The following DNM2 variants were observed in gnomAD, a reference collection of about 807,000 sequenced individuals.
The protein encoded by DNM2 is dynamin-2.
DNM2 carries 15 observed loss-of-function variants against 99.0 expected under a neutral mutation model. The observed-to-expected ratio is 0.15, with a 90% CI of 0.10 to 0.23. The LOEUF (loss-of-function observed/expected upper bound fraction) is 0.23, where lower values mean the gene tolerates loss of function less well. Ranked by LOEUF, DNM2 falls within the 10% of genes least tolerant of loss-of-function variation. DNM2 has a pLI of 1.00. For synonymous variants in DNM2, 525 were observed against 481.2 expected (o/e 1.09, Z -1.19); for missense variants, 742 against 1,189.4 (o/e 0.62, Z 5.53).
intron 2 of DNM2, among the ~76,000 whole-genome samples, chr19:10,770,568 G>A (rs899237709): frequency 3.3e-5 from 5 of 152,128 alleles, no homozygotes; most frequent in African/African-American, 9.7e-5. Flanking sequence ...TGATAAAGAC[G>A]TATTTGAGAC....
intron 18 of DNM2, among the ~76,000 whole-genome samples, chr19:10,826,427 C>T (rs771164678): frequency 2.0e-5 from 3 of 152,216 alleles, no homozygotes; most frequent in Non-Finnish European, 4.4e-5. Flanking sequence ...TCCTCATGGG[C>T]GTCACCCGCC....
chr19:10,732,467 G>T (rs972561024), intron 1 of DNM2, among the ~76,000 whole-genome samples: 15 of 151,690 alleles, frequency 9.9e-5, no homozygotes, highest in Admixed American at 3.3e-4. Flanking sequence ...GGGCGTGGTG[G>T]CGAGCGCCTG....
intron 16 of DNM2, among the ~76,000 whole-genome samples, chr19:10,822,765 T>C (rs12976663): frequency 6.6e-6 from 1 of 151,830 alleles, no homozygotes; most frequent in African/African-American, 2.4e-5. Flanking sequence ...TCCCAAAGTG[T>C]TGGGATTACA....
rs950639317 is a variant in DNM2, at chr19:10,812,006, G to A, written c.1558-258G>A. ...CCTCCCATGGGCCCCTTTCCATCAG[G>A]CCTCTGTGAGTCTATACCCCATCAG... On this transcript the variant is annotated intron_variant, in intron 14 of 20. Coordinates refer to ENST00000389253, the MANE Select transcript of DNM2 (RefSeq NM_001005361.3). This position sits in a 1 kb window ranked among gnomAD's most constrained non-coding sequence, Gnocchi z 4.0. The A allele has an allele frequency of 1.0e-5, 5 of 495,994 alleles. No homozygotes were observed. The highest frequency in any genetic ancestry group is 1.9e-5 in the African/African-American group (1 of 51,420). 30.7% of individuals were successfully genotyped at this position (495,994 alleles called of 1,614,324 possible).
intron 1 of DNM2, among the ~76,000 whole-genome samples, chr19:10,746,039 A>C (rs1163741757): frequency 1.3e-5 from 2 of 152,134 alleles, no homozygotes; most frequent in African/African-American, 4.8e-5. Flanking sequence ...GCTCACTGCA[A>C]CCTCTGCCTC....
In DNM2 at chr19:10,831,151, A is replaced by G. The variant is rs897439830; in HGVS notation, c.*104A>G. On this transcript the variant is annotated 3_prime_UTR_variant, in exon 21 of 21. Coordinates refer to ENST00000389253, the MANE Select transcript of DNM2 (RefSeq NM_001005361.3). The surrounding 1 kb of genome is among the most constrained non-coding windows in gnomAD (Gnocchi z 4.3). ...GCCCCTATGCTGGGACCAGGCTCCC[A>G]GTGGGCAGCCCTGGCCTCTTCCTTA... The G allele has an allele frequency of 6.8e-7, 1 of 1,467,618 alleles. No individual in the cohort carries two copies. The highest frequency in any genetic ancestry group is 9.0e-7 in the Non-Finnish European group (1 of 1,110,948). 90.9% of individuals were successfully genotyped at this position (1,467,618 alleles called of 1,614,324 possible). A position where few individuals can be genotyped will look rare whatever the true frequency, so the allele number is the denominator to read the frequency against.
chr19:10,742,268 C>G (rs1220908479), intron 1 of DNM2, among the ~76,000 whole-genome samples: 2 of 152,140 alleles, frequency 1.3e-5, no homozygotes, highest in East Asian at 3.9e-4. Context: ...AGTGATGTTG[C>G]CAGGCCCACC....
At chr19:10,770,788 T>G (rs1259874546) in intron 2 of DNM2, among the ~76,000 whole-genome samples, 1 of 152,102 alleles carries the variant, frequency 6.6e-6, no homozygotes, top group South Asian at 2.1e-4. Context: ...ATCACGAGAA[T>G]AGCACGGGAA....
rs2072805381 is a variant in DNM2 at position 10,817,765 on chromosome 19, G to C, written c.1672-2215G>C. On this transcript the variant is annotated intron_variant, in intron 15 of 20. Transcript: ENST00000389253. This position sits in a 1 kb window ranked among gnomAD's most constrained non-coding sequence, Gnocchi z 4.6. ...GCTCAGGAGGAATGTCTGACTCTTTGGGGGTCGGGGGTGGGGAGGAGGGGC... is the reference window on the plus strand; with the variant it reads ...GCTCAGGAGGAATGTCTGACTCTTTCGGGGTCGGGGGTGGGGAGGAGGGGC... Among the ~76,000 whole-genome samples, 1 of 130,366 alleles carries C rather than the reference G, an allele frequency of 7.7e-6. No individual in the cohort carries two copies. The highest frequency in any genetic ancestry group is 7.5e-5 in the Admixed American group (1 of 13,328). 85.5% of individuals were successfully genotyped at this position (130,366 alleles called of 152,430 possible). A position where few individuals can be genotyped will look rare whatever the true frequency, so the allele number is the denominator to read the frequency against.
At chr19:10,730,677 A>C (rs376947070) in intron 1 of DNM2, among the ~76,000 whole-genome samples, 42 of 151,962 alleles carry the variant, frequency 2.8e-4, no homozygotes, top group African/African-American at 9.7e-4. Flanking sequence ...TAATAACAGT[A>C]ATAGGCTGAG....
chr19:10,819,429 T>C (rs754772643), intron 15 of DNM2, among the ~76,000 whole-genome samples: 7 of 152,084 alleles, frequency 4.6e-5, no homozygotes, highest in Non-Finnish European at 8.8e-5. Context: ...ACTCCTAGGC[T>C]CGTTTCAAAG....
At chr19:10,771,788 C>T (rs995670275) in intron 2 of DNM2, among the ~76,000 whole-genome samples, 5 of 152,238 alleles carry the variant, frequency 3.3e-5, no homozygotes, top group African/African-American at 7.2e-5. Context: ...AATGGCTGGG[C>T]GTGGAGGCAT....
At chr19:10,728,136 C>A (rs552658516) in intron 1 of DNM2, among the ~76,000 whole-genome samples, 6 of 152,136 alleles carry the variant, frequency 3.9e-5, no homozygotes, top group African/African-American at 1.4e-4. Flanking sequence ...TAGCTTGAAC[C>A]GGGAGCTGGA....
At position 10,718,234 on chromosome 19, in the gene DNM2, G is replaced by T. The variant is rs1331856859; in HGVS notation, c.-9G>T. The T allele has an allele frequency of 6.8e-7, 1 of 1,466,746 alleles. No individual in the cohort carries two copies. Among genetic ancestry groups the T allele is most frequent in the Non-Finnish European group, 9.0e-7 (1 of 1,106,410 alleles). 90.9% of individuals were successfully genotyped at this position (1,466,746 alleles called of 1,614,324 possible). ...GCGCAGGGCGCTCGGGCCGGGGGCC[G>T]CCGGCGCCATGGGCAACCGCGGGAT... On this transcript the variant is annotated 5_prime_UTR_variant, in exon 1 of 21. Transcript: ENST00000389253.
At chr19:10,738,587 TGTG>T (rs1467453128) in intron 1 of DNM2, among the ~76,000 whole-genome samples, 1 of 150,230 alleles carries the variant, frequency 6.7e-6, no homozygotes, top group African/African-American at 2.5e-5. Context: ...CCTGGCCTGG[TGTG>T]GTGGCTCACG....
At chr19:10,786,304 G>A (rs1469079191) in intron 6 of DNM2, 10 of 553,016 alleles carry the variant, frequency 1.8e-5, no homozygotes, top group East Asian at 3.4e-5. Context: ...CCTCCAAGGC[G>A]TGGATAGGCC....
intron 14 of DNM2, 55 bp downstream of exon 14, chr19:10,808,635 A>G: frequency 6.4e-7 from 1 of 1,564,406 alleles, no homozygotes. Context: ...GGTGATGGAG[A>G]CCCCGCCCAC....
rs527725647 is a variant in DNM2, at chr19:10,743,191, C to A, written c.162-16547C>A. On this transcript the variant is annotated intron_variant, in intron 1 of 20. Transcript: ENST00000389253. ...AAAATACTAGGATTACAGGTGTGAG[C>A]CACCACGCCCGGCCGTGATGCCAGC... Among the ~76,000 whole-genome samples the A allele has an allele frequency of 6.0e-5, 9 of 149,708 alleles. No individual in the cohort carries two copies. In the East Asian group the frequency reaches 1.7e-3, roughly 29 times the overall value.
chr19:10,764,385 C>A lies in DNM2; in HGVS notation c.235+4574C>A, dbSNP rs2070730018. Among the ~76,000 whole-genome samples the A allele has an allele frequency of 6.6e-6, 1 of 152,208 alleles. No homozygotes were observed. ...GTTCCCCTCTGGTTCCCGCAGCTTG[C>A]CCTCATTCCAGCCATCCCCAGTGAA... On this transcript the variant is annotated intron_variant, in intron 2 of 20. Transcript: ENST00000389253. The surrounding 1 kb of genome is among the most constrained non-coding windows in gnomAD (Gnocchi z 4.1).
Sources: gnomAD v4.1 joint callset for allele counts (sites outside exome capture counted in the v4.1 genomes callset) on GRCh38, gnomAD v4.1.1 for gene constraint, Gnocchi (gnomAD v3.1) non-coding constraint, MANE v1.5 for transcripts, NCBI Gene and HGNC (gene_info 2026-07-23, HGNC 2026-07-21) for gene names.